Variants in WDR49 observed in about 807,000 individuals in gnomAD.
WDR49 encodes cilia- and flagella-associated protein 337.
In WDR49, 107 loss-of-function variants were observed where a neutral mutation model predicts 119.5. The ratio of observed to expected loss-of-function variants is 0.90; its 90% confidence interval spans 0.77 to 1.05. The LOEUF (loss-of-function observed/expected upper bound fraction) is 1.05. Among genes scored for constraint, WDR49 ranks in the 50% least tolerant of loss-of-function variants. The pLI, the probability that WDR49 is intolerant of heterozygous loss-of-function variation, is 0.00. For synonymous variants in WDR49, 425 were observed against 418.8 expected, an observed-to-expected ratio of 1.01 and a Z score of -0.18; for missense variants, 1,240 against 1,220.5, an observed-to-expected ratio of 1.02 and a Z score of -0.24.
chr3:167,585,589 G>A (rs1488802985), intron 7 of WDR49, among the ~76,000 whole-genome samples: 3 of 151,846 alleles, frequency 2.0e-5, no homozygotes, highest in African/African-American at 7.3e-5. Flanking sequence ...AGATCTTCAA[G>A]AGATACTGTT....
chr3:167,637,008 C>G (rs1453843413), intron 2 of WDR49, among the ~76,000 whole-genome samples: 2 of 151,466 alleles, frequency 1.3e-5, no homozygotes, highest in Non-Finnish European at 3.0e-5. Flanking sequence ...TTAAGTCCAG[C>G]TATTTATCTT....
chr3:167,631,726 T>A (rs2108331241), intron 2 of WDR49, among the ~76,000 whole-genome samples: 1 of 152,176 alleles, frequency 6.6e-6, no homozygotes, highest in East Asian at 1.9e-4. Context: ...GGTTTAAGCC[T>A]GGTTCCACCA....
chr3:167,610,761 T>C (rs533494993), intron 5 of WDR49, among the ~76,000 whole-genome samples: 2 of 152,318 alleles, frequency 1.3e-5, no homozygotes, highest in South Asian at 4.1e-4. Context: ...GCTTCAGGTC[T>C]CACCCAGCAC....
At chr3:167,511,162 C>G (rs1234902959) in intron 16 of WDR49, among the ~76,000 whole-genome samples, 1 of 152,070 alleles carries the variant, frequency 6.6e-6, no homozygotes, top group African/African-American at 2.4e-5. Context: ...CCTGGGAGAA[C>G]TGAAGGATGT....
At chr3:167,518,058 T>C (rs1366580025) in intron 16 of WDR49, among the ~76,000 whole-genome samples, 1 of 152,188 alleles carries the variant, frequency 6.6e-6, no homozygotes, top group Admixed American at 6.6e-5. Context: ...GAAAAGGACA[T>C]GAACTCATCA....
At chr3:167,500,028 C>T in intron 18 of WDR49, 125 bp downstream of exon 18, 3 of 1,120,444 alleles carry the variant, frequency 2.7e-6, no homozygotes, top group Non-Finnish European at 3.6e-6. Flanking sequence ...ACAGTCAAAC[C>T]ACACTTTGTT....
intron 7 of WDR49, among the ~76,000 whole-genome samples, chr3:167,592,186 A>G (rs1363461924): frequency 6.6e-6 from 1 of 152,206 alleles, no homozygotes; most frequent in Non-Finnish European, 1.5e-5. Flanking sequence ...AAGAAAACTA[A>G]TAAAGACCCT....
rs1269115452 is a variant in WDR49 at position 167,499,592 on chromosome 3, TATAATAGTCTGAAA to T, written c.3031+547_3031+560del. ...TCAAACTTTTAAGAACTCTGAAGAC[TATAATAGTCTGAAA>T]AATAAAGAATTATTTTGTACATCTT... On this transcript the variant is annotated intron_variant, in intron 18 of 18. Coordinates refer to ENST00000682715, the MANE Select transcript of WDR49 (RefSeq NM_001366157.1). Among the ~76,000 whole-genome samples the T allele has an allele frequency of 2.6e-5, 4 of 152,328 alleles. No individual in the cohort carries two copies. In the South Asian group the frequency reaches 8.3e-4, roughly 32 times the overall value.
At chr3:167,505,531 T>A in intron 16 of WDR49, 115 bp from the exon 17 acceptor site, 1 of 1,304,134 alleles carries the variant, frequency 7.7e-7, no homozygotes, top group African/African-American at 1.5e-5. Flanking sequence ...AAAAATCTAT[T>A]CCTGTGAACC....
rs540954518 is a variant in WDR49, at chr3:167,506,983, C to A, written c.2775-1567G>T. On this transcript the variant is annotated intron_variant, in intron 16 of 18. Transcript: ENST00000682715. ...AACTGCTGCTCTTATTGCATCAAACCAAGGGTGCATGCTATCAAACTGACT... is the reference window on the plus strand; with the variant it reads ...AACTGCTGCTCTTATTGCATCAAACAAAGGGTGCATGCTATCAAACTGACT... 3.7e-4 allele frequency among the ~76,000 whole-genome samples: 56 copies of A among 152,192 alleles called. No individual in the cohort carries two copies. The South Asian group carries it at 0.011, about 29-fold the overall frequency.
chr3:167,529,450 G>A (rs1285384092), intron 13 of WDR49, among the ~76,000 whole-genome samples: 1 of 152,076 alleles, frequency 6.6e-6, no homozygotes, highest in Non-Finnish European at 1.5e-5. Flanking sequence ...AAATGAGATA[G>A]GATATTGAAG....
chr3:167,650,285 T>A (rs1033061040), intron 2 of WDR49, among the ~76,000 whole-genome samples: 7 of 152,186 alleles, frequency 4.6e-5, no homozygotes, highest in African/African-American at 1.7e-4. Flanking sequence ...ATGGTTGACA[T>A]CAAAATAATA....
At chr3:167,643,735 G>A (rs1169836195) in intron 2 of WDR49, among the ~76,000 whole-genome samples, 1 of 151,812 alleles carries the variant, frequency 6.6e-6, no homozygotes, top group Non-Finnish European at 1.5e-5. Flanking sequence ...ACTGACACAG[G>A]GTAGACATTC....
chr3:167,485,438 T>C (rs1223187047), intron 18 of WDR49, among the ~76,000 whole-genome samples: 1 of 150,558 alleles, frequency 6.6e-6, no homozygotes, highest in African/African-American at 2.4e-5. Flanking sequence ...AACTTAGACA[T>C]AGAATTCAGC....
At chr3:167,567,514 G>C (rs1022028279) in intron 8 of WDR49, among the ~76,000 whole-genome samples, 2 of 152,158 alleles carry the variant, frequency 1.3e-5, no homozygotes, top group African/African-American at 4.8e-5. Context: ...TATTGTTTCA[G>C]GTTTGAGGGC....
At chr3:167,616,250 T>A (rs999284242) in intron 5 of WDR49, among the ~76,000 whole-genome samples, 8 of 152,242 alleles carry the variant, frequency 5.3e-5, no homozygotes, top group Non-Finnish European at 1.2e-4. Context: ...AAATATTTAT[T>A]GTATATTCAC....
intron 10 of WDR49, among the ~76,000 whole-genome samples, chr3:167,552,173 T>C (rs1245434396): frequency 6.6e-6 from 1 of 151,982 alleles, no homozygotes; most frequent in Non-Finnish European, 1.5e-5. Context: ...AAAGAATATG[T>C]CCAGGTCAGA....
At position 167,598,271 on chromosome 3, in the gene WDR49, C is replaced by T. The variant is rs967915140; in HGVS notation, c.1275+3856G>A. ...AGTGAGCCGAGATCACACCACTGCACTCCAGCGTGGGTGACAGAGCAAGAC... is the reference window on the plus strand; with the variant it reads ...AGTGAGCCGAGATCACACCACTGCATTCCAGCGTGGGTGACAGAGCAAGAC... On this transcript the variant is annotated intron_variant, in intron 7 of 18. Coordinates refer to ENST00000682715, the MANE Select transcript of WDR49 (RefSeq NM_001366157.1). Among the ~76,000 whole-genome samples, 14 of 151,704 alleles carry T rather than the reference C, an allele frequency of 9.2e-5. 2 individuals carry two copies. Among genetic ancestry groups the T allele is most frequent in the Admixed American group, 8.5e-4 (13 of 15,226 alleles).
At position 167,527,824 on chromosome 3, in the gene WDR49, C is replaced by T; in HGVS notation, c.2600G>A (p.Gly867Asp). The change falls in exon 15 of 19, where the codon GGT (glycine) becomes GAT (aspartate). Residue 867 changes from glycine to aspartate, a missense_variant. Gly to Asp is a moderately conservative substitution (Grantham distance 94). Coordinates refer to ENST00000682715, the MANE Select transcript of WDR49 (RefSeq NM_001366157.1). ...GVCNAPVWIFGQAKHWHIENC... is the reference protein window; with the variant it reads ...GVCNAPVWIFDQAKHWHIENC... ...ATAAAGAAGCAATATTTCTACCTGA[C>T]CAAAGATCCAAACAGGAGCATTGCA... is the stretch of plus-strand genomic sequence containing the variant. 1 of 1,611,928 alleles carries T rather than the reference C, an allele frequency of 6.2e-7. No homozygotes were observed. The highest frequency in any genetic ancestry group is 8.5e-7 in the Non-Finnish European group (1 of 1,179,030).
Sources: allele counts gnomAD v4.1 joint callset (sites outside exome capture counted in the v4.1 genomes callset), GRCh38; gene constraint gnomAD v4.1.1; transcripts MANE v1.5; gene names NCBI Gene and HGNC (gene_info 2026-07-23, HGNC 2026-07-21).